CPA6: variants seen among roughly 807,000 people sequenced by gnomAD.
The protein encoded by CPA6 is carboxypeptidase B.
CPA6 carries 58 observed loss-of-function variants against 63.3 expected under a neutral mutation model. The observed-to-expected ratio is 0.92, with a 90% confidence interval of 0.74 to 1.14. The LOEUF (loss-of-function observed/expected upper bound fraction) is 1.14. Among genes scored for constraint, CPA6 ranks in the 50% most tolerant of loss-of-function variants. The probability of loss-of-function intolerance (pLI) is 0.00; values close to 1 mark genes in which losing one functional copy is unlikely to be tolerated. For synonymous variants in CPA6, 185 were observed against 179.0 expected, an observed-to-expected ratio of 1.03 and a Z score of -0.27; for missense variants, 565 against 526.6, an observed-to-expected ratio of 1.07 and a Z score of -0.71.
intron 6 of CPA6, among the ~76,000 whole-genome samples, chr8:67,498,185 T>C (rs994542385): frequency 1.3e-5 from 2 of 152,130 alleles, no homozygotes; most frequent in Non-Finnish European, 2.9e-5. Context: ...TTTATTCTAG[T>C]TTTCTTTCTT....
chr8:67,741,931 C>T (rs561622944), intron 1 of CPA6, among the ~76,000 whole-genome samples: 287 of 152,280 alleles, frequency 1.9e-3, no homozygotes, highest in Middle Eastern at 6.8e-3. Flanking sequence ...GTCCCTGTTG[C>T]CAAAAAGGTT....
chr8:67,603,573 T>C (rs1814550516), intron 2 of CPA6, among the ~76,000 whole-genome samples: 2 of 152,326 alleles, frequency 1.3e-5, no homozygotes, highest in Admixed American at 1.3e-4. Context: ...TGAAGACAGT[T>C]AACTGTGGAT....
chr8:67,454,182 T>C (rs543248620), intron 8 of CPA6, among the ~76,000 whole-genome samples: 13 of 152,334 alleles, frequency 8.5e-5, no homozygotes, highest in African/African-American at 2.9e-4. Context: ...GTCTCTAACA[T>C]GGAAATAAAT....
intron 2 of CPA6, among the ~76,000 whole-genome samples, chr8:67,559,570 A>T (rs577195137): frequency 6.6e-6 from 1 of 152,266 alleles, no homozygotes; most frequent in African/African-American, 2.4e-5. Context: ...TTAAAATTTT[A>T]TAGGAAAAGG....
At chr8:67,733,196 C>CAAAAAAAAAAAAAA (rs1211323183) in intron 1 of CPA6, among the ~76,000 whole-genome samples, 11 of 14,886 alleles carry the variant, frequency 7.4e-4, no homozygotes, top group African/African-American at 2.1e-3. Flanking sequence ...GACTCCATCT[C>CAAAAAAAAAAAAAA]AAAAAAAAAA....
In CPA6 at chr8:67,520,075, C is replaced by G. The variant is rs543405319; in HGVS notation, c.193-2028G>C. 1.5e-3 allele frequency among the ~76,000 whole-genome samples: 221 copies of G among 152,128 alleles called. 1 individual carries two copies. The highest frequency in any genetic ancestry group is 2.6e-3 in the Non-Finnish European group (178 of 67,998). On this transcript the variant is annotated intron_variant, in intron 2 of 10. Coordinates refer to ENST00000297770, the MANE Select transcript of CPA6 (RefSeq NM_020361.5). ...TAGAAGATCAAATCTTTGGGACTTG[C>G]CTCTAAACCCATTACAGAGGCAGAT...
At chr8:67,424,619 C>T (rs1302018664) in intron 10 of CPA6, among the ~76,000 whole-genome samples, 2 of 152,206 alleles carry the variant, frequency 1.3e-5, no homozygotes, top group African/African-American at 4.8e-5. Context: ...TCACATTATC[C>T]TACCATATGC....
intron 1 of CPA6, among the ~76,000 whole-genome samples, chr8:67,660,624 C>T (rs12549860): frequency 6.0e-5 from 9 of 148,842 alleles, no homozygotes; most frequent in Admixed American, 5.5e-4. Flanking sequence ...ATTACAGGAA[C>T]GAACCTCTAT....
At chr8:67,712,819 C>T (rs1257036413) in intron 1 of CPA6, among the ~76,000 whole-genome samples, 1 of 151,766 alleles carries the variant, frequency 6.6e-6, no homozygotes, top group African/African-American at 2.4e-5. Context: ...CTCTGTTGCA[C>T]ATGTGATGTG....
chr8:67,431,971 A>G (rs1370703541), intron 9 of CPA6, among the ~76,000 whole-genome samples: 1 of 152,152 alleles, frequency 6.6e-6, no homozygotes, highest in African/African-American at 2.4e-5. Flanking sequence ...TCTTTAATAA[A>G]ATTTTAAATT....
chr8:67,574,008 C>A (rs1813558521), intron 2 of CPA6, among the ~76,000 whole-genome samples: 1 of 150,226 alleles, frequency 6.7e-6, no homozygotes, highest in South Asian at 2.1e-4. Context: ...GTTAAAAGAT[C>A]TATACTACCC....
chr8:67,593,845 AGTCTGT>A, intron 2 of CPA6, among the ~76,000 whole-genome samples: 1 of 148,800 alleles, frequency 6.7e-6, no homozygotes. Flanking sequence ...CCAACTTGCC[AGTCTGT>A]GTCTTTTAAT....
In CPA6 at chr8:67,475,815, TTCCTTTCTTTTC is replaced by T. The variant is rs1563967531; in HGVS notation, c.838+7941_838+7952del. 1.4e-3 allele frequency among the ~76,000 whole-genome samples: 94 copies of T among 65,624 alleles called. 3 individuals carry two copies. The highest frequency in any genetic ancestry group is 9.0e-3 in the African/African-American group (93 of 10,302). The allele number at this position is 65,624 out of a possible 152,430, so 43.1% of individuals were successfully genotyped here. On this transcript the variant is annotated intron_variant, in intron 8 of 10. Coordinates refer to ENST00000297770, the MANE Select transcript of CPA6 (RefSeq NM_020361.5). ...TTTCTTTCTTTCTTTCTTTCTTTCT[TTCCTTTCTTTTC>T]TTTCTTTCTTTCTTTCTTTCTTTCT...
At chr8:67,659,955 C>T (rs1816071783) in intron 1 of CPA6, among the ~76,000 whole-genome samples, 1 of 152,304 alleles carries the variant, frequency 6.6e-6, no homozygotes, top group South Asian at 2.1e-4. Context: ...GATAAGATAG[C>T]AACCTTTAAA....
intron 2 of CPA6, among the ~76,000 whole-genome samples, chr8:67,533,216 A>G (rs1812515458): frequency 6.6e-6 from 1 of 152,228 alleles, no homozygotes; most frequent in African/African-American, 2.4e-5. Flanking sequence ...TCCTGGAGTC[A>G]GATCATCATC....
intron 8 of CPA6, among the ~76,000 whole-genome samples, chr8:67,481,959 C>A (rs533583166): frequency 6.6e-6 from 1 of 152,314 alleles, no homozygotes; most frequent in South Asian, 2.1e-4. Context: ...GATCATTTTG[C>A]AACTGCATTT....
At chr8:67,553,798 G>C (rs1379919634) in intron 2 of CPA6, among the ~76,000 whole-genome samples, 2 of 152,076 alleles carry the variant, frequency 1.3e-5, no homozygotes, top group Admixed American at 1.3e-4. Context: ...TGAATGACTT[G>C]GTCTTAAAAC....
In CPA6 at chr8:67,434,104, T is replaced by C. The variant is rs138313759; in HGVS notation, c.975A>G (p.Ala325=). Residue 325 remains alanine, a synonymous_variant, in exon 9 of 11, where the codon GCA becomes GCG. Coordinates refer to ENST00000297770, the MANE Select transcript of CPA6 (RefSeq NM_020361.5). ...KHIRAYLSFH[A]YAQMLLYPYS... is the part of the protein sequence containing the mutation. ...AGGGATACAGTAACATCTGAGCATATGCATGAAAGGAGAGATAAGCCCTAA... is the reference window on the plus strand; with the variant it reads ...AGGGATACAGTAACATCTGAGCATACGCATGAAAGGAGAGATAAGCCCTAA... 4.6e-3 allele frequency: 7,356 copies of C among 1,613,888 alleles called. 28 individuals are homozygous for C. The highest frequency in any genetic ancestry group is 5.6e-3 in the Non-Finnish European group (6,663 of 1,179,864).
intron 2 of CPA6, among the ~76,000 whole-genome samples, chr8:67,552,696 C>T (rs1454810733): frequency 1.4e-5 from 2 of 139,296 alleles, no homozygotes; most frequent in African/African-American, 5.2e-5. Context: ...TGGCATGAAC[C>T]CGGGAGGCAG....
Sources: allele counts gnomAD v4.1 joint callset (sites outside exome capture counted in the v4.1 genomes callset), GRCh38; gene constraint gnomAD v4.1.1; transcripts MANE v1.5; gene names NCBI Gene and HGNC (gene_info 2026-07-23, HGNC 2026-07-21).